The following PCDH9 variants were observed in gnomAD, a reference collection of about 807,000 sequenced individuals.
PCDH9 encodes protocadherin-9.
PCDH9 carries 24 observed loss-of-function variants against 70.6 expected under a neutral mutation model. The observed-to-expected ratio is 0.34, with a 90% CI of 0.25 to 0.48. The LOEUF (loss-of-function observed/expected upper bound fraction) is 0.48. Among genes scored for constraint, PCDH9 ranks in the 20% least tolerant of loss-of-function variants. The probability of loss-of-function intolerance (pLI) is 0.99; values close to 1 mark genes in which losing one functional copy is unlikely to be tolerated. For synonymous variants in PCDH9, 562 were observed against 558.5 expected (o/e 1.01, Z -0.09); for missense variants, 1,281 against 1,503.6 (o/e 0.85, Z 2.45).
At chr13:66,737,468 T>A (rs999125639) in intron 3 of PCDH9, among the ~76,000 whole-genome samples, 1 of 152,156 alleles carries the variant, frequency 6.6e-6, no homozygotes, top group Non-Finnish European at 1.5e-5. Context: ...TAATGTAAAT[T>A]AAAATTTGGA....
chr13:66,858,500 C>G, intron 3 of PCDH9, among the ~76,000 whole-genome samples: 1 of 152,172 alleles, frequency 6.6e-6, no homozygotes, highest in East Asian at 1.9e-4. Flanking sequence ...CTTACACTTA[C>G]ATTAAGCCTA....
Position 67,142,678 on chromosome 13 carries a change from T to C in PCDH9, c.3036+82727A>G, listed in dbSNP as rs557290584. Reference sequence around the variant, plus strand: ...CAAATAAATGCCAGGAAAATTATGGTTGGATTTCTGAAATAGAAACCTTTG... The same window carrying C: ...CAAATAAATGCCAGGAAAATTATGGCTGGATTTCTGAAATAGAAACCTTTG... On this transcript the variant is annotated intron_variant, in intron 2 of 4. Transcript: ENST00000377865. 5.3e-5 allele frequency among the ~76,000 whole-genome samples: 8 copies of C among 152,206 alleles called. No homozygotes were observed. In the South Asian group the frequency reaches 1.7e-3, roughly 32 times the overall value.
At chr13:66,563,974 G>A (rs538315130) in intron 4 of PCDH9, among the ~76,000 whole-genome samples, 2 of 151,668 alleles carry the variant, frequency 1.3e-5, no homozygotes, top group Admixed American at 6.6e-5. Context: ...CAGCCCTTTC[G>A]ACAGAACATC....
At chr13:66,823,394 AC>A (rs2080750470) in intron 3 of PCDH9, among the ~76,000 whole-genome samples, 1 of 151,742 alleles carries the variant, frequency 6.6e-6, no homozygotes, top group Non-Finnish European at 1.5e-5. Context: ...CATGTACTGA[AC>A]TACACTAACA....
At chr13:66,453,979 C>T (rs1390037035) in intron 4 of PCDH9, among the ~76,000 whole-genome samples, 1 of 151,892 alleles carries the variant, frequency 6.6e-6, no homozygotes, top group Non-Finnish European at 1.5e-5. Context: ...ATTTTAAATA[C>T]ATAATCAGTA....
chr13:67,189,104 T>C (rs945790829), intron 2 of PCDH9, among the ~76,000 whole-genome samples: 1 of 151,950 alleles, frequency 6.6e-6, no homozygotes, highest in Non-Finnish European at 1.5e-5. Context: ...TCCAGGTTGC[T>C]GAGAATGCCG....
intron 4 of PCDH9, among the ~76,000 whole-genome samples, chr13:66,554,907 C>T (rs917725518): frequency 4.6e-5 from 7 of 152,110 alleles, no homozygotes; most frequent in South Asian, 2.1e-4. Context: ...TGGTGTCTCA[C>T]GCCTGTAATC....
In PCDH9 at chr13:67,228,294, A is replaced by G; in HGVS notation, c.147T>C (p.Ile49=). ...PIGNIPKDLN[I]SHINAATGTS... ...TCCCTGTGGCAGCATTGATGTGAGA[A>G]ATGTTCAGATCCTTTGGTATGTTTC... Residue 49 remains isoleucine (I), a synonymous_variant, in exon 2 of 5, where the codon ATT becomes ATC. Transcript: ENST00000377865. 1 of 1,614,186 alleles carries G rather than the reference A, an allele frequency of 6.2e-7. No homozygotes were observed. The highest frequency in any genetic ancestry group is 8.5e-7 in the Non-Finnish European group (1 of 1,180,044).
At chr13:66,890,521 T>G (rs907108312) in intron 3 of PCDH9, among the ~76,000 whole-genome samples, 1 of 150,716 alleles carries the variant, frequency 6.6e-6, no homozygotes, top group African/African-American at 2.4e-5. Context: ...CTTTCTCTGC[T>G]CTTTTGGGAG....
intron 2 of PCDH9, among the ~76,000 whole-genome samples, chr13:66,918,278 T>G (rs761543223): frequency 9.3e-5 from 14 of 151,150 alleles, no homozygotes; most frequent in Admixed American, 3.3e-4. Flanking sequence ...ATTTATCATT[T>G]TGCCTCCATT....
intron 3 of PCDH9, among the ~76,000 whole-genome samples, chr13:66,835,932 A>T (rs1566228917): frequency 6.6e-6 from 1 of 152,340 alleles, no homozygotes; most frequent in South Asian, 2.1e-4. Flanking sequence ...AATTTGAGAT[A>T]AAAGTTAAAA....
At chr13:67,085,140 T>G (rs2086081463) in intron 2 of PCDH9, among the ~76,000 whole-genome samples, 1 of 151,014 alleles carries the variant, frequency 6.6e-6, no homozygotes, top group South Asian at 2.1e-4. Context: ...TCATTCTCTA[T>G]GTTTTCCTTT....
intron 4 of PCDH9, among the ~76,000 whole-genome samples, chr13:66,361,556 C>A (rs1306848156): frequency 6.6e-6 from 1 of 151,716 alleles, no homozygotes; most frequent in Non-Finnish European, 1.5e-5. Context: ...CATTTGATAT[C>A]TCAGGTGTCA....
At chr13:66,604,794 C>CAAAT (rs1387936850) in intron 4 of PCDH9, among the ~76,000 whole-genome samples, 3 of 151,764 alleles carry the variant, frequency 2.0e-5, no homozygotes, top group Non-Finnish European at 4.4e-5. Context: ...TATTTTTTTT[C>CAAAT]AAATACTTTT....
chr13:66,740,169 A>G (rs1051837794), intron 3 of PCDH9, among the ~76,000 whole-genome samples: 99 of 144,468 alleles, frequency 6.9e-4, no homozygotes, highest in Non-Finnish European at 3.3e-4. Context: ...TCAAACTAGA[A>G]CTCAGGATTA....
intron 2 of PCDH9, among the ~76,000 whole-genome samples, chr13:67,021,641 C>T (rs888407334): frequency 3.3e-5 from 5 of 151,982 alleles, no homozygotes; most frequent in Non-Finnish European, 5.9e-5. Context: ...CTTACTGCAA[C>T]CTCCACCTCC....
intron 4 of PCDH9, among the ~76,000 whole-genome samples, chr13:66,623,854 G>C (rs2077465415): frequency 1.3e-5 from 2 of 152,238 alleles, no homozygotes; most frequent in African/African-American, 4.8e-5. Flanking sequence ...ATATTTACAA[G>C]AATTCCTGGG....
At chr13:66,452,415 C>A (rs1958232217) in intron 4 of PCDH9, among the ~76,000 whole-genome samples, 2 of 152,104 alleles carry the variant, frequency 1.3e-5, no homozygotes, top group Admixed American at 1.3e-4. Context: ...CCCCATAGCC[C>A]AAACTCAAAA....
At chr13:66,608,357 C>T (rs2138863088) in intron 4 of PCDH9, among the ~76,000 whole-genome samples, 1 of 152,194 alleles carries the variant, frequency 6.6e-6, no homozygotes, top group South Asian at 2.1e-4. Flanking sequence ...GGAGATTATA[C>T]TGATTTTTTA....
Sources: gnomAD v4.1 joint callset for allele counts (sites outside exome capture counted in the v4.1 genomes callset) on GRCh38, gnomAD v4.1.1 for gene constraint, MANE v1.5 for transcripts, NCBI Gene and HGNC (gene_info 2026-07-23, HGNC 2026-07-21) for gene names.